The following TNNT3 variants were observed in gnomAD, a reference collection of about 807,000 sequenced individuals.
The protein encoded by TNNT3 is troponin T, fast skeletal muscle.
TNNT3 carries 36 observed loss-of-function variants against 54.2 expected under a neutral mutation model. The ratio of observed to expected loss-of-function variants is 0.66; its 90% CI spans 0.51 to 0.88. The LOEUF (loss-of-function observed/expected upper bound fraction) is 0.88. TNNT3 is among the 40% of genes least tolerant of loss of function. TNNT3 has a pLI of 0.00. For missense variants in TNNT3, 291 were observed against 331.6 expected, an observed-to-expected ratio of 0.88 and a Z score of 0.95; for synonymous variants, 120 against 109.7, an observed-to-expected ratio of 1.09 and a Z score of -0.59.
At chr11:1,922,400 C>T (rs1850313663) in intron 1 of TNNT3, among the ~76,000 whole-genome samples, 1 of 152,100 alleles carries the variant, frequency 6.6e-6, no homozygotes, top group African/African-American at 2.4e-5. Context: ...CCAGGGAGAC[C>T]CCACCTACAC....
In TNNT3 at chr11:1,922,863, C is replaced by T. The variant is rs1850423723; in HGVS notation, c.-12C>T. On this transcript the variant is annotated 5_prime_UTR_variant, in exon 2 of 16. Transcript: ENST00000278317. ...TCTGAATCTCTCTCTGCAGAAACCA[C>T]CCACCTTCACCATGTCTGACGAGGA... is the stretch of plus-strand genomic sequence containing the variant. 1 of 1,613,276 alleles carries T rather than the reference C, an allele frequency of 6.2e-7. No homozygotes were observed. Among genetic ancestry groups the T allele is most frequent in the East Asian group, 2.2e-5 (1 of 44,878 alleles).
Position 1,932,491 on chromosome 11 carries a change from G to C in TNNT3, c.148G>C (p.Glu50Gln), listed in dbSNP as rs760617350. ...CAGACTCACTGCTCCTAAGATCCCA[G>C]AAGGGGAGAAAGTGGACTTCGATGT... Reference protein sequence around the residue: ...RPKLTAPKIPEGEKVDFDDIQ... With the variant: ...RPKLTAPKIPQGEKVDFDDIQ... Residue 50 changes from glutamate (E) to glutamine (Q), a missense_variant, in exon 9 of 16, where the codon GAA becomes CAA. Transcript: ENST00000278317. 7.4e-6 allele frequency: 12 copies of C among 1,613,882 alleles called. No homozygotes were observed. The highest frequency in any genetic ancestry group is 1.3e-5 in the African/African-American group (1 of 75,016).
At chr11:1,922,141 A>C (rs908862153) in intron 1 of TNNT3, among the ~76,000 whole-genome samples, 2 of 152,116 alleles carry the variant, frequency 1.3e-5, no homozygotes, top group Admixed American at 1.3e-4. Flanking sequence ...ACCCAACCCA[A>C]CGTGCTCTGG....
chr11:1,931,007 G>GA (rs1159634845), intron 8 of TNNT3, among the ~76,000 whole-genome samples: 5 of 151,778 alleles, frequency 3.3e-5, no homozygotes, highest in Admixed American at 6.6e-5. Context: ...ATAGCGCTTG[G>GA]AAAAAAAAGA....
rs1347893988 is a variant in TNNT3, at chr11:1,938,434, G to A, written c.723-4G>A. 3 of 1,613,096 alleles carry A rather than the reference G, an allele frequency of 1.9e-6. No homozygotes were observed. In the African/African-American group the frequency reaches 4.0e-5, roughly 22 times the overall value. On this transcript the variant is annotated splice_polypyrimidine_tract_variant and splice_region_variant and intron_variant, in intron 15 of 15. Transcript: ENST00000278317. Reference sequence around the variant, plus strand: ...CTGAAGGATCACTTGCTTCCCATTTGCAGCAGCAAGAAGGCTGGGACCCCA... The same window carrying A: ...CTGAAGGATCACTTGCTTCCCATTTACAGCAGCAAGAAGGCTGGGACCCCA...
rs761908024 is a variant in TNNT3, at chr11:1,922,848, T to C, written c.-18-9T>C. 3 of 1,612,340 alleles carry C rather than the reference T, an allele frequency of 1.9e-6. No individual in the cohort carries two copies. The highest frequency in any genetic ancestry group is 2.5e-6 in the Non-Finnish European group (3 of 1,179,558). ...CTCTCTCTCTCTCTCTCTGAATCTC[T>C]CTCTGCAGAAACCACCCACCTTCAC... On this transcript the variant is annotated splice_polypyrimidine_tract_variant and intron_variant, in intron 1 of 15. Coordinates refer to ENST00000278317, the MANE Select transcript of TNNT3 (RefSeq NM_006757.4).
intron 14 of TNNT3, among the ~76,000 whole-genome samples, chr11:1,936,003 G>A (rs1330703367): frequency 6.6e-6 from 1 of 152,180 alleles, no homozygotes; most frequent in Non-Finnish European, 1.5e-5. Flanking sequence ...GGCTGGCCCT[G>A]AGACGGGCTT....
intron 1 of TNNT3, among the ~76,000 whole-genome samples, chr11:1,921,899 C>A (rs1426428326): frequency 1.3e-5 from 2 of 152,346 alleles, no homozygotes; most frequent in Non-Finnish European, 2.9e-5. Context: ...CGGTGGCCAG[C>A]TCACAGAGAG....
chr11:1,928,562 C>T (rs1436080086), intron 6 of TNNT3, among the ~76,000 whole-genome samples: 2 of 152,194 alleles, frequency 1.3e-5, no homozygotes, highest in Admixed American at 6.5e-5. Flanking sequence ...GCGGGGGCTC[C>T]TGGGGCTGAG....
intron 4 of TNNT3, among the ~76,000 whole-genome samples, chr11:1,923,865 C>T (rs1589889082): frequency 6.6e-6 from 1 of 151,734 alleles, no homozygotes; most frequent in Non-Finnish European, 1.5e-5. Flanking sequence ...CCTTCATCCT[C>T]CGTGTGCCAT....
At chr11:1,934,796 T>C (rs572844057) in intron 13 of TNNT3, 33 bp from the exon 14 acceptor site, 1 of 1,609,076 alleles carries the variant, frequency 6.2e-7, no homozygotes, top group East Asian at 2.2e-5. Flanking sequence ...TTGGGGCTTA[T>C]TCAACGAAGC....
intron 9 of TNNT3, 70 bp from the exon 10 acceptor site, chr11:1,933,651 G>T: frequency 7.8e-7 from 1 of 1,278,106 alleles, no homozygotes; most frequent in Non-Finnish European, 1.1e-6. Context: ...ACCTCTTGCT[G>T]CAAGGCAGGC....
Position 1,936,970 on chromosome 11 carries a change from C to T in TNNT3, c.689C>T (p.Thr230Met), listed in dbSNP as rs540840670. ...CACTCATGTTGTTCACAGATCACCA[C>T]GCTCAGGAGCCGCATTGACCAGGCC... The part of the protein sequence containing the change: ...KLKRQKYDIT[T>M]LRSRIDQAQK... The change falls in exon 15 of 16, where the codon ACG becomes ATG. Residue 230 changes from threonine to methionine, a missense_variant. By Grantham distance (81) the Thr-to-Met change is moderately conservative. Transcript: ENST00000278317. 29 of 1,606,334 alleles carry T rather than the reference C, an allele frequency of 1.8e-5. No homozygotes were observed. Among genetic ancestry groups the T allele is most frequent in the Admixed American group, 5.1e-5 (3 of 59,220 alleles).
rs200763079 is a variant in TNNT3, at chr11:1,932,458, C to G, written c.126-11C>G. 4.2e-5 allele frequency: 67 copies of G among 1,613,622 alleles called. No homozygotes were observed. The Admixed American group carries it at 1.1e-3, about 26-fold the overall frequency. ...GGTCTCTGCTCACGGGCCTCTCTGTCTCCTCTTCAGACTCACTGCTCCTAA... is the reference window on the plus strand; with the variant it reads ...GGTCTCTGCTCACGGGCCTCTCTGTGTCCTCTTCAGACTCACTGCTCCTAA... On this transcript the variant is annotated splice_polypyrimidine_tract_variant and intron_variant, in intron 8 of 15. Transcript: ENST00000278317.
At position 1,938,673 on chromosome 11, in the gene TNNT3, G is replaced by A; in HGVS notation, c.*181G>A. ...TGTGTCCTTGCTGCCTTCATCCCCT[G>A]GGGCCTGTGAATAAAGCTGCAGAAC... On this transcript the variant is annotated 3_prime_UTR_variant, in exon 16 of 16. Transcript: ENST00000278317. 1.4e-6 allele frequency: 1 copy of A among 717,162 alleles called. No homozygotes were observed. 44.4% of individuals were successfully genotyped at this position (717,162 alleles called of 1,614,324 possible).
In TNNT3 at chr11:1,929,695, T is replaced by C. The variant is rs2292471; in HGVS notation, c.107-115T>C. On this transcript the variant is annotated intron_variant, in intron 7 of 15. Coordinates refer to ENST00000278317, the MANE Select transcript of TNNT3 (RefSeq NM_006757.4). ...GGGTACTCCCAGCTGAAAAGGACGGTGGCCTTCAGTGAAGGGGAACCCAGG... is the reference window on the plus strand; with the variant it reads ...GGGTACTCCCAGCTGAAAAGGACGGCGGCCTTCAGTGAAGGGGAACCCAGG... 925,230 of 1,144,604 alleles carry C rather than the reference T, an allele frequency of 0.81. 375,483 individuals are homozygous for C. Among genetic ancestry groups the C allele is most frequent in the East Asian group, 0.91 (35,693 of 39,078 alleles). The allele number at this position is 1,144,604 out of a possible 1,614,324, so 70.9% of individuals were successfully genotyped here. A position where few individuals can be genotyped will look rare whatever the true frequency, so the allele number is the denominator to read the frequency against.
At chr11:1,919,990 G>A (rs746580593) in intron 1 of TNNT3, among the ~76,000 whole-genome samples, 22 of 152,316 alleles carry the variant, frequency 1.4e-4, no homozygotes, top group Non-Finnish European at 2.5e-4. Context: ...TCTCAGCACC[G>A]GGAGGATGCA....
intron 1 of TNNT3, among the ~76,000 whole-genome samples, chr11:1,920,389 C>A (rs1346898828): frequency 6.6e-6 from 1 of 152,132 alleles, no homozygotes; most frequent in East Asian, 1.9e-4. Flanking sequence ...TGGACTGGGG[C>A]AGGACGGGGC....
chr11:1,920,039 C>T (rs868813921), intron 1 of TNNT3, among the ~76,000 whole-genome samples: 17 of 152,038 alleles, frequency 1.1e-4, no homozygotes, highest in African/African-American at 3.4e-4. Flanking sequence ...GGGGGCAAGT[C>T]GGGGCTCAGG....
Sources: allele counts gnomAD v4.1 joint callset (sites outside exome capture counted in the v4.1 genomes callset), GRCh38; gene constraint gnomAD v4.1.1; transcripts MANE v1.5; gene names NCBI Gene and HGNC (gene_info 2026-07-23, HGNC 2026-07-21).